RSRC1: variants seen among roughly 807,000 people sequenced by gnomAD.
RSRC1 encodes the protein serine/Arginine-related protein 53.
RSRC1 carries 39 observed loss-of-function variants against 49.1 expected under a neutral mutation model. The ratio of observed to expected loss-of-function variants is 0.79; its 90% CI spans 0.61 to 1.04. The LOEUF (loss-of-function observed/expected upper bound fraction) is 1.04, where lower values mean the gene tolerates loss of function less well. Ranked by LOEUF, RSRC1 falls within the 50% of genes least tolerant of loss-of-function variation. RSRC1 has a pLI of 0.00. For synonymous variants in RSRC1, 143 were observed against 130.8 expected (o/e 1.09, Z -0.63); for missense variants, 388 against 402.4 (o/e 0.96, Z 0.31).
At chr3:158,321,282 TTCCTCCTCC>T (rs10618455) in intron 5 of RSRC1, among the ~76,000 whole-genome samples, 4 of 150,010 alleles carry the variant, frequency 2.7e-5, no homozygotes, top group Admixed American at 6.6e-5. Context: ...CCTCTTCCTC[TTCCTCCTCC>T]TCCTCCTCTT....
chr3:158,116,394 G>T (rs538829632), intron 1 of RSRC1, among the ~76,000 whole-genome samples: 172 of 152,194 alleles, frequency 1.1e-3, no homozygotes, highest in African/African-American at 4.0e-3. Context: ...AATAACCAGC[G>T]TTCTTCAATA....
chr3:158,371,112 T>C (rs1732048166), intron 6 of RSRC1, among the ~76,000 whole-genome samples: 1 of 151,902 alleles, frequency 6.6e-6, no homozygotes, highest in East Asian at 1.9e-4. Context: ...CTTTTGCCTG[T>C]TTTTAAAAGA....
At chr3:158,505,536 ATGC>A (rs1739815602) in intron 7 of RSRC1, among the ~76,000 whole-genome samples, 1 of 152,174 alleles carries the variant, frequency 6.6e-6, no homozygotes, top group Admixed American at 6.5e-5. Flanking sequence ...AGGAGAATAA[ATGC>A]TCAGTAGAGC....
At chr3:158,281,361 G>A (rs1726157475) in intron 4 of RSRC1, among the ~76,000 whole-genome samples, 1 of 150,506 alleles carries the variant, frequency 6.6e-6, no homozygotes, top group African/African-American at 2.4e-5. Context: ...AAATAGAGAT[G>A]TCAAATAGAC....
intron 7 of RSRC1, among the ~76,000 whole-genome samples, chr3:158,534,600 A>C (rs1712611588): frequency 6.6e-6 from 1 of 151,600 alleles, no homozygotes. Flanking sequence ...GCATGTGAAA[A>C]AACTGAAATA....
chr3:158,224,698 T>G (rs1722425303), intron 4 of RSRC1, among the ~76,000 whole-genome samples: 1 of 151,894 alleles, frequency 6.6e-6, no homozygotes, highest in Admixed American at 6.6e-5. Flanking sequence ...TACATTGGAT[T>G]AACTCTAATT....
In RSRC1 at chr3:158,271,021, G is replaced by A. The variant is rs558120465; in HGVS notation, c.495-27018G>A. On this transcript the variant is annotated intron_variant, in intron 4 of 9. Coordinates refer to ENST00000611884, the MANE Select transcript of RSRC1 (RefSeq NM_001271838.2). ...TCCCTTTTATAAAAGGATTATCCCC[G>A]TGTCATATTGAATTCATGAAATCAT... 7.0e-4 allele frequency among the ~76,000 whole-genome samples: 106 copies of A among 152,182 alleles called. 2 individuals are homozygous for A. In the South Asian group the frequency reaches 7.5e-3, roughly 11 times the overall value.
At chr3:158,449,140 G>C (rs571751628) in intron 6 of RSRC1, among the ~76,000 whole-genome samples, 1 of 151,694 alleles carries the variant, frequency 6.6e-6, no homozygotes, top group South Asian at 2.1e-4. Context: ...GATCTTTTGA[G>C]TAATATATAA....
intron 7 of RSRC1, among the ~76,000 whole-genome samples, chr3:158,506,577 C>T (rs1255637190): frequency 6.6e-6 from 1 of 151,804 alleles, no homozygotes; most frequent in East Asian, 1.9e-4. Flanking sequence ...AAAAAATGCT[C>T]ACCATCACTA....
At chr3:158,182,537 A>G (rs1719684146) in intron 3 of RSRC1, among the ~76,000 whole-genome samples, 1 of 152,014 alleles carries the variant, frequency 6.6e-6, no homozygotes. Flanking sequence ...TCTTTGTCTT[A>G]CTCAGGCCCA....
intron 4 of RSRC1, among the ~76,000 whole-genome samples, chr3:158,240,191 A>G (rs1723489743): frequency 6.6e-6 from 1 of 152,052 alleles, no homozygotes; most frequent in Admixed American, 6.6e-5. Flanking sequence ...ATTATTTTTT[A>G]TCACTCATAT....
chr3:158,482,812 A>G (rs746338410), intron 7 of RSRC1, among the ~76,000 whole-genome samples: 19 of 152,062 alleles, frequency 1.2e-4, no homozygotes, highest in Admixed American at 7.9e-4. Context: ...CTTTATAGTT[A>G]TGGTGTCCCT....
At chr3:158,172,641 G>A (rs1718943295) in intron 3 of RSRC1, among the ~76,000 whole-genome samples, 1 of 152,158 alleles carries the variant, frequency 6.6e-6, no homozygotes, top group Non-Finnish European at 1.5e-5. Context: ...ACCAGGGAAT[G>A]TGAACCCATT....
At chr3:158,517,960 T>G (rs998833047) in intron 7 of RSRC1, among the ~76,000 whole-genome samples, 1 of 149,332 alleles carries the variant, frequency 6.7e-6, no homozygotes, top group African/African-American at 2.5e-5. Flanking sequence ...ATTAATTATA[T>G]TAATATATCT....
chr3:158,129,165 T>C (rs9814942), intron 3 of RSRC1, among the ~76,000 whole-genome samples: 107,986 of 151,822 alleles, frequency 0.71, 39,142 homozygotes, highest in African/African-American at 0.83. Flanking sequence ...CAGTGGTTTT[T>C]TTCTGTAGCA....
intron 5 of RSRC1, among the ~76,000 whole-genome samples, chr3:158,321,974 TAC>T (rs71144456): frequency 0.064 from 9,459 of 148,402 alleles, 324 homozygotes; most frequent in African/African-American, 0.1. Flanking sequence ...TTTTAACACC[TAC>T]ACACACACAC....
intron 5 of RSRC1, among the ~76,000 whole-genome samples, chr3:158,300,143 G>A (rs1246875422): frequency 6.6e-6 from 1 of 151,964 alleles, no homozygotes; most frequent in Non-Finnish European, 1.5e-5. Flanking sequence ...AGCATTTTGG[G>A]AATGAGAGAG....
At chr3:158,260,739 A>G (rs894353858) in intron 4 of RSRC1, among the ~76,000 whole-genome samples, 4 of 152,176 alleles carry the variant, frequency 2.6e-5, no homozygotes, top group East Asian at 1.9e-4. Flanking sequence ...TCTAATTCCA[A>G]CGACTGGGAT....
chr3:158,294,963 T>C (rs1012676138), intron 4 of RSRC1, among the ~76,000 whole-genome samples: 2 of 152,186 alleles, frequency 1.3e-5, no homozygotes, highest in Non-Finnish European at 2.9e-5. Context: ...ATTGATTCAG[T>C]CATTGTATTG....
Sources: allele counts gnomAD v4.1 joint callset (sites outside exome capture counted in the v4.1 genomes callset), GRCh38; gene constraint gnomAD v4.1.1; transcripts MANE v1.5; gene names NCBI Gene and HGNC (gene_info 2026-07-23, HGNC 2026-07-21).